Variants in PIWIL4 observed in about 807,000 individuals in gnomAD.
PIWIL4 encodes the protein piwi-like protein 4.
In PIWIL4, 50 loss-of-function variants were observed where a neutral mutation model predicts 100.9. The ratio of observed to expected loss-of-function variants is 0.50; its 90% CI spans 0.39 to 0.63. PIWIL4 has a LOEUF of 0.63. Among genes scored for constraint, PIWIL4 ranks in the 20% least tolerant of loss-of-function variants. The pLI is 0.00. For synonymous variants in PIWIL4, 342 were observed against 367.5 expected (o/e 0.93, Z 0.79); for missense variants, 887 against 1,043.3 (o/e 0.85, Z 2.06).
intron 17 of PIWIL4, 92 bp downstream of exon 17, chr11:94,618,199 T>C: frequency 7.6e-7 from 1 of 1,317,404 alleles, no homozygotes; most frequent in Admixed American, 2.6e-5. Flanking sequence ...TAAGTTTTGT[T>C]TTTTATGCAA....
At position 94,585,471 on chromosome 11, in the gene PIWIL4, A is replaced by G. The variant is rs148185887; in HGVS notation, c.662A>G (p.Gln221Arg). The change falls in exon 6 of 20, where the codon CAA (glutamine) becomes CGA (arginine). Residue 221 changes from glutamine to arginine, a missense_variant. Physicochemically the swap from Gln to Arg is conservative, Grantham distance 43. Coordinates refer to ENST00000299001, the MANE Select transcript of PIWIL4 (RefSeq NM_152431.3). ...RKILKKLSMY[Q>R]IGRNFYNPSE... Reference sequence around the variant, plus strand: ...ATCCTCAAAAAGTTGTCCATGTACCAAATTGGACGGAACTTCTATAATCCT... The same window carrying G: ...ATCCTCAAAAAGTTGTCCATGTACCGAATTGGACGGAACTTCTATAATCCT... 6 of 1,610,526 alleles carry G rather than the reference A, an allele frequency of 3.7e-6. No individual in the cohort carries two copies. The African/African-American group carries it at 6.7e-5, about 18-fold the overall frequency.
At chr11:94,596,534 T>TC (rs1345092214) in intron 10 of PIWIL4, among the ~76,000 whole-genome samples, 1 of 152,244 alleles carries the variant, frequency 6.6e-6, no homozygotes, top group Non-Finnish European at 1.5e-5. Flanking sequence ...TCAGGGTTTT[T>TC]CTCAAACATT....
intron 1 of PIWIL4, 87 bp from the exon 2 acceptor site, chr11:94,568,643 T>C: frequency 9.7e-7 from 1 of 1,031,034 alleles, no homozygotes; most frequent in Non-Finnish European, 1.5e-6. Context: ...CATGGTAATC[T>C]AAAGACCTGA....
chr11:94,580,471 T>G (rs1019638606), intron 4 of PIWIL4, among the ~76,000 whole-genome samples: 3 of 152,180 alleles, frequency 2.0e-5, no homozygotes, highest in African/African-American at 7.2e-5. Context: ...AGGTCCTATC[T>G]GTGCACCTGC....
chr11:94,567,709 T>C, intron 1 of PIWIL4, 104 bp downstream of exon 1: 1 of 1,326,854 alleles, frequency 7.5e-7, no homozygotes, highest in Non-Finnish European at 9.7e-7. Flanking sequence ...TGTTACGAAG[T>C]AGTGCGTTAT....
intron 7 of PIWIL4, among the ~76,000 whole-genome samples, chr11:94,588,717 G>A (rs1447395317): frequency 6.6e-6 from 1 of 152,172 alleles, no homozygotes; most frequent in Non-Finnish European, 1.5e-5. Flanking sequence ...CCTTCTTTTG[G>A]TGCTTTTTTA....
chr11:94,578,327 A>G (rs1377618523), intron 4 of PIWIL4, among the ~76,000 whole-genome samples: 1 of 152,230 alleles, frequency 6.6e-6, no homozygotes, highest in Non-Finnish European at 1.5e-5. Flanking sequence ...GAATTTGGCA[A>G]GCGTTGAATG....
At chr11:94,610,589 G>T (rs757625195) in intron 15 of PIWIL4, among the ~76,000 whole-genome samples, 17 of 152,086 alleles carry the variant, frequency 1.1e-4, no homozygotes, top group Non-Finnish European at 1.9e-4. Context: ...TTTCCTTGAT[G>T]ATTAGTGATG....
At chr11:94,573,122 T>G (rs1948183013) in intron 2 of PIWIL4, among the ~76,000 whole-genome samples, 1 of 152,198 alleles carries the variant, frequency 6.6e-6, no homozygotes, top group Non-Finnish European at 1.5e-5. Context: ...TGCTTGTGAT[T>G]TTTGCACATT....
Position 94,567,391 on chromosome 11 carries a change from T to G in PIWIL4, c.-128T>G. On this transcript the variant is annotated 5_prime_UTR_variant, in exon 1 of 20. Transcript: ENST00000299001. Reference sequence around the variant, plus strand: ...ACGCATTTCCAGCCCCGGCGTTGGTTGTGGATGCTGGACATCCACCGCCTC... The same window carrying G: ...ACGCATTTCCAGCCCCGGCGTTGGTGGTGGATGCTGGACATCCACCGCCTC... 1.2e-6 allele frequency: 1 copy of G among 837,810 alleles called. No homozygotes were observed. The highest frequency in any genetic ancestry group is 1.7e-6 in the Non-Finnish European group (1 of 572,316). The allele number at this position is 837,810 out of a possible 1,614,324, so 51.9% of individuals were successfully genotyped here.
chr11:94,610,735 G>A (rs1948780013), intron 15 of PIWIL4, among the ~76,000 whole-genome samples: 2 of 151,988 alleles, frequency 1.3e-5, no homozygotes, highest in African/African-American at 4.8e-5. Flanking sequence ...TCAGATATGT[G>A]ATTGCAAATG....
At chr11:94,599,644 C>T (rs1948608405) in intron 11 of PIWIL4, among the ~76,000 whole-genome samples, 1 of 152,180 alleles carries the variant, frequency 6.6e-6, no homozygotes, top group Admixed American at 6.5e-5. Flanking sequence ...ACTCCTGGGG[C>T]TGAATCCAGC....
At chr11:94,583,040 A>ATGTGTGTGTG (rs200968891) in intron 4 of PIWIL4, among the ~76,000 whole-genome samples, 246 of 118,196 alleles carry the variant, frequency 2.1e-3, no homozygotes, top group African/African-American at 5.7e-3. Context: ...GTGTATATAT[A>ATGTGTGTGTG]TATATGTGTG....
intron 2 of PIWIL4, among the ~76,000 whole-genome samples, chr11:94,570,698 C>T (rs971253054): frequency 2.6e-5 from 4 of 152,106 alleles, no homozygotes; most frequent in Non-Finnish European, 4.4e-5. Flanking sequence ...CGAGACCAGC[C>T]TGGCTAACAT....
At chr11:94,579,207 A>G (rs543525893) in intron 4 of PIWIL4, among the ~76,000 whole-genome samples, 1 of 152,314 alleles carries the variant, frequency 6.6e-6, no homozygotes, top group South Asian at 2.1e-4. Context: ...ATTGCCGTTT[A>G]TTTAACTACT....
rs568841811 is a variant in PIWIL4, at chr11:94,585,460, G to A, written c.651G>A (p.Leu217=). 162 of 1,609,662 alleles carry A rather than the reference G, an allele frequency of 1.0e-4. No homozygotes were observed. Among genetic ancestry groups the A allele is most frequent in the Non-Finnish European group, 1.3e-4 (151 of 1,178,498 alleles). ...NIIFRKILKK[L]SMYQIGRNFY... Reference sequence around the variant, plus strand: ...ATACTTGCAGGATCCTCAAAAAGTTGTCCATGTACCAAATTGGACGGAACT... The same window carrying A: ...ATACTTGCAGGATCCTCAAAAAGTTATCCATGTACCAAATTGGACGGAACT... Residue 217 remains leucine, a synonymous_variant, in exon 6 of 20, where the codon TTG becomes TTA. Coordinates refer to ENST00000299001, the MANE Select transcript of PIWIL4 (RefSeq NM_152431.3).
At chr11:94,612,098 T>A (rs1163983434) in intron 15 of PIWIL4, among the ~76,000 whole-genome samples, 2 of 152,182 alleles carry the variant, frequency 1.3e-5, no homozygotes, top group African/African-American at 4.8e-5. Flanking sequence ...GTCCAATGTT[T>A]CCTTATTAAT....
At chr11:94,587,804 C>A (rs991424689) in intron 7 of PIWIL4, among the ~76,000 whole-genome samples, 2 of 152,124 alleles carry the variant, frequency 1.3e-5, no homozygotes, top group Non-Finnish European at 2.9e-5. Context: ...TAAGTTGAGA[C>A]CACATTTTAC....
intron 8 of PIWIL4, 43 bp downstream of exon 8, chr11:94,589,275 C>T (rs1948447882): frequency 1.3e-6 from 2 of 1,486,380 alleles, no homozygotes; most frequent in Non-Finnish European, 9.4e-7. Context: ...TTTCTTTTAC[C>T]TCAGAGAAGT....
Sources: allele counts gnomAD v4.1 joint callset (sites outside exome capture counted in the v4.1 genomes callset), GRCh38; gene constraint gnomAD v4.1.1; transcripts MANE v1.5; gene names NCBI Gene and HGNC (gene_info 2026-07-23, HGNC 2026-07-21).